Variants in MGAM2 observed in about 807,000 individuals in gnomAD.
MGAM2 encodes the protein maltase-glucoamylase 2 (putative), also known as probable maltase-glucoamylase 2.
MGAM2 carries 98 observed loss-of-function variants against 96.1 expected under a neutral mutation model. The ratio of observed to expected loss-of-function variants is 1.02; its 90% confidence interval spans 0.87 to 1.21. MGAM2 has a LOEUF of 1.21. Ranked by LOEUF, MGAM2 falls within the 50% of genes most tolerant of loss-of-function variation. MGAM2 has a pLI of 0.00. For missense variants in MGAM2, 2,055 were observed against 1,182.4 expected (o/e 1.74, Z -10.82); for synonymous variants, 749 against 414.8 (o/e 1.81, Z -9.79).
chr7:142,118,962 G>T (rs1230150580), intron 2 of MGAM2, among the ~76,000 whole-genome samples: 1 of 151,970 alleles, frequency 6.6e-6, no homozygotes, highest in Non-Finnish European at 1.5e-5. Context: ...CCAAAGCACA[G>T]CAAACAAAGA....
chr7:142,134,078 G>A lies in MGAM2; in HGVS notation c.673G>A (p.Val225Met). 1 of 763,176 alleles carries A rather than the reference G, an allele frequency of 1.3e-6. No individual in the cohort carries two copies. Among genetic ancestry groups the A allele is most frequent in the Admixed American group, 1.7e-5 (1 of 58,770 alleles). 47.3% of individuals were successfully genotyped at this position (763,176 alleles called of 1,614,324 possible). A position where few individuals can be genotyped will look rare whatever the true frequency, so the allele number is the denominator to read the frequency against. Residue 225 changes from valine to methionine, a missense_variant, in exon 7 of 48, where the codon GTG (valine) becomes ATG (methionine). Physicochemically the swap from Val to Met is conservative, Grantham distance 21. Transcript: ENST00000477922. Reference protein sequence around the residue: ...SANVYGLGEHVHQQYRHNMTW... With the variant: ...SANVYGLGEHMHQQYRHNMTW... ...CAATGTGTATGGGCTGGGAGAGCAT[G>A]TGCACCAGCAGTACCGCCACAATAT...
intron 3 of MGAM2, among the ~76,000 whole-genome samples, chr7:142,122,624 G>A (rs143306666): frequency 4.6e-5 from 7 of 152,178 alleles, no homozygotes; most frequent in Admixed American, 6.5e-5. Context: ...ATCACATAGC[G>A]TAGTGTAAAG....
At chr7:142,121,453 A>G (rs544664908) in intron 3 of MGAM2, among the ~76,000 whole-genome samples, 61 of 152,236 alleles carry the variant, frequency 4.0e-4, no homozygotes, top group African/African-American at 1.4e-3. Flanking sequence ...CTGGGCTTAC[A>G]GGTGTGAGCC....
chr7:142,171,615 TATATATATATATATATATATATATATATA>T (rs1483899732), intron 28 of MGAM2, among the ~76,000 whole-genome samples, 175 bp downstream of exon 28: 1 of 42,356 alleles, frequency 2.4e-5, no homozygotes, highest in East Asian at 1.1e-3. Flanking sequence ...CATATATATA[TATATATATATATATATATATATATATATA>T]TATATATATA....
rs776423092 is a variant in MGAM2 at position 142,131,501 on chromosome 7, T to C, written c.311-17T>C. The C allele has an allele frequency of 2.9e-5, 20 of 701,408 alleles. No individual in the cohort carries two copies. In the African/African-American group the frequency reaches 3.0e-4, roughly 10 times the overall value. 43.4% of individuals were successfully genotyped at this position (701,408 alleles called of 1,614,324 possible). ...GTTAGTCTCCTTTTCTCTCTCTCCA[T>C]ATCTTGCCACCCCTAGGATTTACTG... On this transcript the variant is annotated splice_polypyrimidine_tract_variant and intron_variant, in intron 4 of 47. Coordinates refer to ENST00000477922, the MANE Select transcript of MGAM2 (RefSeq NM_001293626.2).
At chr7:142,114,564 G>A (rs1372181487) in intron 1 of MGAM2, among the ~76,000 whole-genome samples, 1 of 152,158 alleles carries the variant, frequency 6.6e-6, no homozygotes, top group East Asian at 1.9e-4. Context: ...AGTTTGGGGT[G>A]ACTTGGGGTA....
chr7:142,187,803 T>C lies in MGAM2; in HGVS notation c.4176T>C (p.Asn1392=). Residue 1392 remains asparagine (N), a synonymous_variant, in exon 36 of 48, where the codon AAT becomes AAC. Transcript: ENST00000477922. ...FVDGSVRGCS[N]EMLNNPPYMP... ...ATGGATCTGTCAGGGGCTGCAGCAA[T>C]GAAATGCTAAATAACCCACCCTATA... 1 of 702,768 alleles carries C rather than the reference T, an allele frequency of 1.4e-6. No homozygotes were observed. Among genetic ancestry groups the C allele is most frequent in the South Asian group, 1.5e-5 (1 of 67,586 alleles). The allele number at this position is 702,768 out of a possible 1,614,324, so 43.5% of individuals were successfully genotyped here.
intron 22 of MGAM2, 105 bp downstream of exon 22, chr7:142,161,318 T>C: frequency 1.8e-6 from 1 of 570,514 alleles, no homozygotes; most frequent in Non-Finnish European, 3.2e-6. Flanking sequence ...GCACTGTCGT[T>C]TACATCTGTA....
intron 32 of MGAM2, among the ~76,000 whole-genome samples, chr7:142,178,885 C>T (rs2129093449): frequency 6.6e-6 from 1 of 152,152 alleles, no homozygotes; most frequent in East Asian, 1.9e-4. Context: ...GATGTTAATT[C>T]TTCCAGTCCA....
chr7:142,173,377 A>G, intron 31 of MGAM2, 23 bp downstream of exon 31: 1 of 700,658 alleles, frequency 1.4e-6, no homozygotes. Flanking sequence ...CACTCAGCCC[A>G]AGGTGTAATT....
chr7:142,214,627 A>AC (rs1797691050), intron 46 of MGAM2, among the ~76,000 whole-genome samples: 1 of 152,210 alleles, frequency 6.6e-6, no homozygotes, highest in African/African-American at 2.4e-5. Flanking sequence ...AGAACTACAA[A>AC]CCACTACTCA....
rs749617797 is a variant in MGAM2 at position 142,140,982 on chromosome 7, A to G, written c.1219-39A>G. 8 of 691,278 alleles carry G rather than the reference A, an allele frequency of 1.2e-5. No individual in the cohort carries two copies. In the African/African-American group the frequency reaches 1.4e-4, roughly 12 times the overall value. 42.8% of individuals were successfully genotyped at this position (691,278 alleles called of 1,614,324 possible). A position where few individuals can be genotyped will look rare whatever the true frequency, so the allele number is the denominator to read the frequency against. On this transcript the variant is annotated intron_variant, in intron 11 of 47. Coordinates refer to ENST00000477922, the MANE Select transcript of MGAM2 (RefSeq NM_001293626.2). ...TATTTTTTCCTTTGTAGTGCAAAAA[A>G]TTTATGAAAATAATATTTATATCGT...
intron 26 of MGAM2, among the ~76,000 whole-genome samples, chr7:142,169,117 T>C (rs1046872874): frequency 6.6e-6 from 1 of 152,126 alleles, no homozygotes; most frequent in Non-Finnish European, 1.5e-5. Context: ...AGAAACATAA[T>C]TTCCAAGCAG....
At chr7:142,181,359 C>T (rs1796534443) in intron 32 of MGAM2, among the ~76,000 whole-genome samples, 1 of 152,142 alleles carries the variant, frequency 6.6e-6, no homozygotes, top group African/African-American at 2.4e-5. Flanking sequence ...TTGGGTTTCA[C>T]AGGCACCCTT....
rs867603993 is a variant in MGAM2 at position 142,220,231 on chromosome 7, G to C, written c.5720G>C (p.Ser1907Thr). The C allele has an allele frequency of 1.4e-6, 1 of 702,038 alleles. No individual in the cohort carries two copies. The highest frequency in any genetic ancestry group is 2.6e-6 in the Non-Finnish European group (1 of 384,754). The allele number at this position is 702,038 out of a possible 1,614,324, so 43.5% of individuals were successfully genotyped here. A position where few individuals can be genotyped will look rare whatever the true frequency, so the allele number is the denominator to read the frequency against. ...VPITTTPFPT[S>T]TIGVTTNATV... ...ATCACAACCACACCTTTCCCAACAA[G>C]TACTATTGGTGTTACAACTAATGCT... The change falls in exon 48 of 48, where the codon AGT (serine) becomes ACT (threonine). Residue 1907 changes from serine to threonine, a missense_variant. Transcript: ENST00000477922.
intron 31 of MGAM2, among the ~76,000 whole-genome samples, chr7:142,174,670 C>A (rs1309852040): frequency 6.8e-6 from 1 of 148,094 alleles, no homozygotes. Context: ...AATAGTTTGA[C>A]TTCCTCTTTT....
chr7:142,186,002 A>G lies in MGAM2; in HGVS notation c.4001A>G (p.Tyr1334Cys), dbSNP rs1399187683. ...TTATTCTTACAGCTTTACAGGGCCTACGTTGCCTTTCCTGACTTCTTTCGT... is the reference window on the plus strand; with the variant it reads ...TTATTCTTACAGCTTTACAGGGCCTGCGTTGCCTTTCCTGACTTCTTTCGT... Reference protein sequence around the residue: ...HETQVKLYRAYVAFPDFFRNS... With the variant: ...HETQVKLYRACVAFPDFFRNS... The change falls in exon 35 of 48, where the codon TAC (tyrosine) becomes TGC (cysteine). Residue 1334 changes from tyrosine to cysteine, a missense_variant. Physicochemically the swap from Tyr to Cys is radical, Grantham distance 194. Coordinates refer to ENST00000477922, the MANE Select transcript of MGAM2 (RefSeq NM_001293626.2). 1.4e-6 allele frequency: 1 copy of G among 703,474 alleles called. No homozygotes were observed. Among genetic ancestry groups the G allele is most frequent in the South Asian group, 1.5e-5 (1 of 67,602 alleles). 43.6% of individuals were successfully genotyped at this position (703,474 alleles called of 1,614,324 possible). A position where few individuals can be genotyped will look rare whatever the true frequency, so the allele number is the denominator to read the frequency against.
rs1352181225 is a variant in MGAM2 at position 142,221,484 on chromosome 7, A to G, written c.6973A>G (p.Thr2325Ala). 5.4e-6 allele frequency: 3 copies of G among 554,394 alleles called. No homozygotes were observed. The highest frequency in any genetic ancestry group is 2.8e-5 in the East Asian group (1 of 35,420). 34.3% of individuals were successfully genotyped at this position (554,394 alleles called of 1,614,324 possible). Residue 2325 changes from threonine to alanine, a missense_variant, in exon 48 of 48, where the codon ACT (threonine) becomes GCT (alanine). Coordinates refer to ENST00000477922, the MANE Select transcript of MGAM2 (RefSeq NM_001293626.2). ...LSMFPTSNTF[T>A]TDKITNFTTP... is the part of the protein sequence containing the mutation. ...CATGTTTCCAACAAGTAATACATTC[A>G]CTACTGATAAAATTACTAATTTTAC...
At chr7:142,123,069 C>G (rs966292468) in intron 3 of MGAM2, among the ~76,000 whole-genome samples, 1 of 152,084 alleles carries the variant, frequency 6.6e-6, no homozygotes, top group Admixed American at 6.6e-5. Flanking sequence ...TAATCCACCC[C>G]CTTCAGCCTC....
Sources: gnomAD v4.1 joint callset for allele counts (sites outside exome capture counted in the v4.1 genomes callset) on GRCh38, gnomAD v4.1.1 for gene constraint, MANE v1.5 for transcripts, NCBI Gene and HGNC (gene_info 2026-07-23, HGNC 2026-07-21) for gene names.